Variants in APBB1IP observed in about 807,000 individuals in gnomAD.
The protein encoded by APBB1IP is amyloid beta precursor protein binding family B member 1 interacting protein, also known as amyloid beta A4 precursor protein-binding family B member 1-interacting protein.
A neutral mutation model predicts 64.9 loss-of-function variants in APBB1IP; 27 were observed. The ratio of observed to expected loss-of-function variants is 0.42; its 90% CI spans 0.31 to 0.57. The LOEUF (loss-of-function observed/expected upper bound fraction) is 0.57, where lower values mean the gene tolerates loss of function less well. Among genes scored for constraint, APBB1IP ranks in the 20% least tolerant of loss-of-function variants. APBB1IP has a pLI of 0.20. For missense variants in APBB1IP, 812 were observed against 845.5 expected (o/e 0.96, Z 0.49); for synonymous variants, 392 against 331.0 (o/e 1.18, Z -2.00).
At chr10:26,526,270 G>C (rs1203313104) in intron 8 of APBB1IP, among the ~76,000 whole-genome samples, 1 of 152,112 alleles carries the variant, frequency 6.6e-6, no homozygotes, top group Non-Finnish European at 1.5e-5. Context: ...TTCATGTAAG[G>C]CACAACCTTA....
intron 2 of APBB1IP, among the ~76,000 whole-genome samples, chr10:26,466,808 T>C (rs1835653699): frequency 6.6e-6 from 1 of 152,096 alleles, no homozygotes; most frequent in South Asian, 2.1e-4. Flanking sequence ...TGGTGGCGCA[T>C]ACCTGTAGCC....
intron 11 of APBB1IP, among the ~76,000 whole-genome samples, chr10:26,559,440 G>C (rs1461775981): frequency 6.6e-6 from 1 of 151,746 alleles, no homozygotes. Context: ...AGCTGGACAT[G>C]GTGGTGTGCA....
intron 6 of APBB1IP, among the ~76,000 whole-genome samples, chr10:26,509,253 A>G (rs775777536): frequency 4.6e-5 from 7 of 152,168 alleles, no homozygotes; most frequent in Non-Finnish European, 1.0e-4. Context: ...GGAAAAAGCA[A>G]CTATCCAACT....
At position 26,444,029 on chromosome 10, in the gene APBB1IP, G is replaced by A. The variant is rs1051443656; in HGVS notation, c.-1+5176G>A. The stretch of plus-strand genomic sequence containing the variant: ...GTAAATAATATAGGTATTAGTAAGC[G>A]AAAAGCAAGGTGAAGTTGCAATATG... On this transcript the variant is annotated intron_variant, in intron 2 of 14. Transcript: ENST00000376236. 7.9e-5 allele frequency among the ~76,000 whole-genome samples: 12 copies of A among 152,184 alleles called. No individual in the cohort carries two copies. The South Asian group carries it at 1.0e-3, about 13-fold the overall frequency.
intron 6 of APBB1IP, among the ~76,000 whole-genome samples, chr10:26,504,464 C>T (rs1348845161): frequency 6.6e-6 from 1 of 152,164 alleles, no homozygotes. Flanking sequence ...AATCCCAACA[C>T]TTTGGGAGGC....
At chr10:26,468,143 T>C (rs78356917) in intron 2 of APBB1IP, among the ~76,000 whole-genome samples, 2,296 of 152,284 alleles carry the variant, frequency 0.015, 28 homozygotes, top group Non-Finnish European at 0.023. Flanking sequence ...TCTTTCAGAA[T>C]CCAAAATCCT....
chr10:26,567,413 A>G lies in APBB1IP; in HGVS notation c.1926A>G (p.Gly642=), dbSNP rs759370471. The G allele has an allele frequency of 3.2e-5, 52 of 1,604,622 alleles. No individual in the cohort carries two copies. Among genetic ancestry groups the G allele is most frequent in the South Asian group, 2.1e-4 (19 of 90,718 alleles). Residue 642 remains glycine (G), a synonymous_variant, in exon 15 of 15, where the codon GGA becomes GGG. Transcript: ENST00000376236. ...KRQENPGHPG[G]AGGGEQDFMS... ...AAGAGAACCCAGGGCACCCCGGCGG[A>G]GCAGGAGGCGGGGAGCAAGATTTCA...
intron 11 of APBB1IP, among the ~76,000 whole-genome samples, chr10:26,544,287 A>G (rs1318816623): frequency 6.6e-6 from 1 of 152,248 alleles, no homozygotes; most frequent in Non-Finnish European, 1.5e-5. Context: ...CACTTCTTAA[A>G]TCAGGAGAAG....
chr10:26,456,267 G>A (rs769827998), intron 2 of APBB1IP, among the ~76,000 whole-genome samples: 1 of 152,158 alleles, frequency 6.6e-6, no homozygotes, highest in Non-Finnish European at 1.5e-5. Flanking sequence ...CTCTATCCAC[G>A]GGAAAATGGA....
intron 9 of APBB1IP, among the ~76,000 whole-genome samples, chr10:26,535,564 T>C (rs1166426130): frequency 1.3e-5 from 2 of 152,160 alleles, no homozygotes; most frequent in Non-Finnish European, 2.9e-5. Context: ...ATTCTTTCTA[T>C]TTTTTTGTAC....
intron 2 of APBB1IP, among the ~76,000 whole-genome samples, chr10:26,450,623 C>T (rs1314996680): frequency 6.6e-6 from 1 of 151,578 alleles, no homozygotes; most frequent in South Asian, 2.1e-4. Context: ...GAACACTCCA[C>T]TATGGCTGTG....
intron 6 of APBB1IP, among the ~76,000 whole-genome samples, chr10:26,503,599 C>T (rs1169503130): frequency 6.6e-6 from 1 of 152,052 alleles, no homozygotes; most frequent in Non-Finnish European, 1.5e-5. Flanking sequence ...CGAGCCACTG[C>T]ACTCCAGCCT....
At chr10:26,483,142 T>A (rs1835856048) in intron 2 of APBB1IP, among the ~76,000 whole-genome samples, 1 of 149,128 alleles carries the variant, frequency 6.7e-6, no homozygotes, top group Non-Finnish European at 1.5e-5. Flanking sequence ...ATACAAACAT[T>A]TTTCTTTAAC....
chr10:26,502,282 C>T (rs1199561462), intron 5 of APBB1IP, among the ~76,000 whole-genome samples: 1 of 152,192 alleles, frequency 6.6e-6, no homozygotes, highest in African/African-American at 2.4e-5. Context: ...ATACTTCACT[C>T]ACTTTTCAGC....
intron 2 of APBB1IP, among the ~76,000 whole-genome samples, chr10:26,476,932 C>G (rs1564355492): frequency 6.6e-6 from 1 of 152,148 alleles, no homozygotes; most frequent in East Asian, 1.9e-4. Flanking sequence ...TCCTGAGTAG[C>G]TGGGATTACA....
chr10:26,514,948 T>G (rs1247787755), intron 8 of APBB1IP, among the ~76,000 whole-genome samples: 1 of 152,032 alleles, frequency 6.6e-6, no homozygotes, highest in African/African-American at 2.4e-5. Context: ...CTCGGCTCAC[T>G]GAAACCTCTG....
intron 11 of APBB1IP, among the ~76,000 whole-genome samples, chr10:26,558,522 T>C (rs1419951730): frequency 6.6e-6 from 1 of 151,660 alleles, no homozygotes; most frequent in African/African-American, 2.4e-5. Flanking sequence ...GGTTCACGCA[T>C]GTAATCCCAG....
intron 14 of APBB1IP, 107 bp downstream of exon 14, chr10:26,562,536 A>C: frequency 6.7e-5 from 61 of 906,630 alleles, no homozygotes; most frequent in Non-Finnish European, 1.0e-4. Flanking sequence ...GCAGTAGCTC[A>C]CACCTGTAAT....
intron 4 of APBB1IP, among the ~76,000 whole-genome samples, chr10:26,496,764 A>T (rs1836030354): frequency 6.6e-6 from 1 of 151,550 alleles, no homozygotes; most frequent in Admixed American, 6.6e-5. Flanking sequence ...ATGATTAATA[A>T]ATATGAATAG....
Sources: gnomAD v4.1 joint callset for allele counts (sites outside exome capture counted in the v4.1 genomes callset) on GRCh38, gnomAD v4.1.1 for gene constraint, MANE v1.5 for transcripts, NCBI Gene and HGNC (gene_info 2026-07-23, HGNC 2026-07-21) for gene names.